HSPG2: variants seen among roughly 807,000 people sequenced by gnomAD.
HSPG2 encodes the protein basement membrane-specific heparan sulfate proteoglycan core protein.
Under a neutral mutation model 526.6 loss-of-function variants are expected in HSPG2, and 278 were observed. The ratio of observed to expected loss-of-function variants is 0.53; its 90% CI spans 0.48 to 0.58. The LOEUF (loss-of-function observed/expected upper bound fraction) is 0.58, where lower values mean the gene tolerates loss of function less well. Among genes scored for constraint, HSPG2 ranks in the 20% least tolerant of loss-of-function variants. HSPG2 has a pLI of 0.00. For synonymous variants in HSPG2, 2,465 were observed against 2,555.4 expected, an observed-to-expected ratio of 0.96 and a Z score of 1.07; for missense variants, 5,354 against 6,099.5, an observed-to-expected ratio of 0.88 and a Z score of 4.07.
At position 21,841,591 on chromosome 1, in the gene HSPG2, C is replaced by T; in HGVS notation, c.9276G>A (p.Val3092=). 1 of 1,614,240 alleles carries T rather than the reference C, an allele frequency of 6.2e-7. No homozygotes were observed. Among genetic ancestry groups the T allele is most frequent in the Non-Finnish European group, 8.5e-7 (1 of 1,180,044 alleles). Residue 3092 remains valine, a synonymous_variant, in exon 70 of 97, where the codon GTG becomes GTA. Transcript: ENST00000374695. ...GGGCCACACCGTAGGCATTGGAGGC[C>T]ACGCAGCGGTAGGTACCGTGGTTGC... The part of the protein sequence containing the change: ...RPSNHGTYRC[V]ASNAYGVAQS...
intron 87 of HSPG2, 106 bp downstream of exon 87, chr1:21,829,277 G>A: frequency 7.1e-7 from 1 of 1,401,002 alleles, no homozygotes; most frequent in South Asian, 1.2e-5. Context: ...GAGGGGACTT[G>A]CCCTGATCCC....
intron 65 of HSPG2, among the ~76,000 whole-genome samples, chr1:21,843,724 G>A (rs984951575): frequency 3.3e-5 from 5 of 151,982 alleles, no homozygotes; most frequent in Non-Finnish European, 4.4e-5. Flanking sequence ...TCGGCTCACC[G>A]CAACCTCTGC....
chr1:21,934,469 TG>T (rs1462989159), intron 1 of HSPG2, among the ~76,000 whole-genome samples: 1 of 152,202 alleles, frequency 6.6e-6, no homozygotes, highest in African/African-American at 2.4e-5. Context: ...TACTTGGGTC[TG>T]TAAGACTTCA....
Position 21,872,343 on chromosome 1 carries a change from C to T in HSPG2, c.4064G>A (p.Gly1355Asp). 1.3e-6 allele frequency: 2 copies of T among 1,580,544 alleles called. No individual in the cohort carries two copies. The highest frequency in any genetic ancestry group is 2.7e-5 in the African/African-American group (2 of 74,222). ...TCGCTGTGGGTTCACCAGGGCAAAG[C>T]CTTGGAAGTCCCCAGGGGCAAAGTG... ...STHFAPGDFQ[G>D]FALVNPQRNS... Residue 1355 changes from glycine to aspartate, a missense_variant, in exon 33 of 97, where the codon GGC becomes GAC. Coordinates refer to ENST00000374695, the MANE Select transcript of HSPG2 (RefSeq NM_005529.7). The surrounding 1 kb of genome is among the most constrained non-coding windows in gnomAD (Gnocchi z 5.5).
intron 46 of HSPG2, 24 bp downstream of exon 46, chr1:21,855,499 C>T: frequency 6.2e-7 from 1 of 1,611,544 alleles, no homozygotes; most frequent in Non-Finnish European, 8.5e-7. Flanking sequence ...ACTCCCGGCC[C>T]CCACCCTGAG....
At chr1:21,874,340 A>T (rs2152746719) in intron 28 of HSPG2, 66 bp downstream of exon 28, 1 of 1,597,326 alleles carries the variant, frequency 6.3e-7, no homozygotes, top group Non-Finnish European at 8.5e-7. Flanking sequence ...CCCTGGATGA[A>T]GCGGGTGTGG....
chr1:21,875,024 G>C, intron 25 of HSPG2, 22 bp from the exon 26 acceptor site: 1 of 1,518,320 alleles, frequency 6.6e-7, no homozygotes, highest in Non-Finnish European at 9.0e-7. Flanking sequence ...AAGACCCAGC[G>C]TGAATAGGAG....
Position 21,890,095 on chromosome 1 carries a change from CT to C in HSPG2, c.459del (p.Asn155MetfsTer163). 6.2e-7 allele frequency: 1 copy of C among 1,614,076 alleles called. No individual in the cohort carries two copies. Among genetic ancestry groups the C allele is most frequent in the Non-Finnish European group, 8.5e-7 (1 of 1,179,960 alleles). On this transcript the variant is annotated frameshift_variant, in exon 6 of 97. Transcript: ENST00000374695. LOFTEE classifies it high-confidence loss of function. The surrounding 1 kb of genome is among the most constrained non-coding windows in gnomAD (Gnocchi z 4.1). ...WVFVELDVGS[E>X]GNADGAQIQE... ...TGAATCTGAGCCCCATCCGCATTCC[CT>C]TCCGAGCCCACATCCAGCTCCACAA...
intron 33 of HSPG2, among the ~76,000 whole-genome samples, chr1:21,866,608 CTT>C (rs1259510718): frequency 2.6e-5 from 4 of 152,232 alleles, no homozygotes; most frequent in African/African-American, 9.6e-5. Context: ...CCGATAGATT[CTT>C]TGTTGCAGAC....
In HSPG2 at chr1:21,875,714, T is replaced by C; in HGVS notation, c.3217A>G (p.Thr1073Ala). The C allele has an allele frequency of 6.2e-7, 1 of 1,605,006 alleles. No individual in the cohort carries two copies. The highest frequency in any genetic ancestry group is 8.5e-7 in the Non-Finnish European group (1 of 1,179,960). Reference sequence around the variant, plus strand: ...AGTGCCATCAGCAGGTGCTCCCGTGTGGCTGGCTGCCCATCGGGCCGCTGC... The same window carrying C: ...AGTGCCATCAGCAGGTGCTCCCGTGCGGCTGGCTGCCCATCGGGCCGCTGC... ...AWQRPDGQPA[T>A]REHLLMALAG... The change falls in exon 25 of 97, where the codon ACA (threonine) becomes GCA (alanine). Residue 1073 changes from threonine to alanine, a missense_variant. Thr to Ala is a moderately conservative substitution (Grantham distance 58, BLOSUM62 0). Transcript: ENST00000374695.
At chr1:21,842,640 C>T (rs2098053639) in intron 67 of HSPG2, 130 bp downstream of exon 67, 1 of 1,235,422 alleles carries the variant, frequency 8.1e-7, no homozygotes, top group South Asian at 1.3e-5. Context: ...CTGGTGAACT[C>T]GTCCCGCAAA....
rs779175945 is a variant in HSPG2 at position 21,823,319 on chromosome 1, C to A, written c.13173G>T (p.Ser4391=). ...QAGANTRPCP[S] is the part of the protein sequence containing the mutation. ...TCCGTGTGGGGCAGGCAGGTGCCTA[C>A]GAGGGGCAGGGGCGTGTGTTGGCCC... The change falls in exon 97 of 97, where the codon TCG becomes TCT. Residue 4391 remains serine, a synonymous_variant. Coordinates refer to ENST00000374695, the MANE Select transcript of HSPG2 (RefSeq NM_005529.7). The A allele has an allele frequency of 1.2e-5, 18 of 1,530,778 alleles. No homozygotes were observed. Among genetic ancestry groups the A allele is most frequent in the Middle Eastern group, 1.8e-4 (1 of 5,566 alleles). The allele number at this position is 1,530,778 out of a possible 1,614,324, so 94.8% of individuals were successfully genotyped here. A position where few individuals can be genotyped will look rare whatever the true frequency, so the allele number is the denominator to read the frequency against.
chr1:21,863,577 G>A (rs972774627), intron 37 of HSPG2, among the ~76,000 whole-genome samples: 2 of 150,580 alleles, frequency 1.3e-5, no homozygotes, highest in African/African-American at 4.9e-5. Context: ...GAAAAGTCAA[G>A]GTATAAAAAA....
chr1:21,879,399 GTC>G (rs2152752795), intron 17 of HSPG2, among the ~76,000 whole-genome samples: 1 of 152,324 alleles, frequency 6.6e-6, no homozygotes, highest in Non-Finnish European at 1.5e-5. Flanking sequence ...GCTCTCCAGA[GTC>G]TGTTTCTTCT....
chr1:21,914,036 G>A (rs1273761203), intron 1 of HSPG2, among the ~76,000 whole-genome samples: 2 of 152,192 alleles, frequency 1.3e-5, no homozygotes, highest in Non-Finnish European at 1.5e-5. Context: ...GGTGTGTAGA[G>A]AGGGCCCAGT....
intron 1 of HSPG2, chr1:21,908,130 C>G: frequency 1.2e-6 from 1 of 819,890 alleles, no homozygotes; most frequent in Non-Finnish European, 2.1e-6. Context: ...GGAGAGGCAC[C>G]CAATAGATGT....
chr1:21,843,501 G>A, intron 65 of HSPG2, 63 bp from the exon 66 acceptor site: 4 of 1,550,894 alleles, frequency 2.6e-6, no homozygotes, highest in Non-Finnish European at 3.5e-6. Flanking sequence ...CCAGGCCTCT[G>A]GTACCCACAC....
chr1:21,837,035 G>T, intron 74 of HSPG2, 29 bp from the exon 75 acceptor site: 1 of 1,534,862 alleles, frequency 6.5e-7, no homozygotes. Flanking sequence ...GGTTCTGCAG[G>T]TATATGTGTG....
intron 25 of HSPG2, 125 bp from the exon 26 acceptor site, chr1:21,875,127 G>T: frequency 5.3e-6 from 4 of 748,802 alleles, no homozygotes; most frequent in Non-Finnish European, 4.7e-6. Flanking sequence ...CTGGGGCCCT[G>T]TCCAGATCTC....
Sources: allele counts gnomAD v4.1 joint callset (sites outside exome capture counted in the v4.1 genomes callset), GRCh38; gene constraint gnomAD v4.1.1; non-coding constraint Gnocchi (gnomAD v3.1); transcripts MANE v1.5; gene names NCBI Gene and HGNC (gene_info 2026-07-23, HGNC 2026-07-21).